Variants in GABRB1 observed in about 807,000 individuals in gnomAD.
GABRB1 encodes the protein gamma-aminobutyric acid type A receptor subunit beta1, also known as gamma-aminobutyric acid receptor subunit beta-1.
A neutral mutation model predicts 51.6 loss-of-function variants in GABRB1; 17 were observed. The ratio of observed to expected loss-of-function variants is 0.33; its 90% CI spans 0.23 to 0.49. The LOEUF (loss-of-function observed/expected upper bound fraction) is 0.49. GABRB1 is among the 20% of genes least tolerant of loss of function. The probability of loss-of-function intolerance (pLI) is 0.99; values close to 1 mark genes in which losing one functional copy is unlikely to be tolerated. For synonymous variants in GABRB1, 247 were observed against 218.9 expected, an observed-to-expected ratio of 1.13 and a Z score of -1.14; for missense variants, 410 against 600.6, an observed-to-expected ratio of 0.68 and a Z score of 3.32.
intron 3 of GABRB1, among the ~76,000 whole-genome samples, chr4:47,047,767 A>G (rs1381111302): frequency 1.3e-5 from 2 of 152,162 alleles, no homozygotes. Flanking sequence ...GATTTAATTC[A>G]TATTGGATCT....
At chr4:47,174,879 CCCTT>C (rs1274866640) in intron 4 of GABRB1, among the ~76,000 whole-genome samples, 3 of 148,340 alleles carry the variant, frequency 2.0e-5, no homozygotes, top group African/African-American at 5.0e-5. Context: ...TTCCCTCCCT[CCCTT>C]CCTTCTTTCC....
At chr4:47,001,836 T>C (rs1454350457) in intron 1 of GABRB1, among the ~76,000 whole-genome samples, 1 of 152,244 alleles carries the variant, frequency 6.6e-6, no homozygotes, top group Admixed American at 6.5e-5. Context: ...TATTAAATGT[T>C]TTGGGTTCTA....
At chr4:46,996,097 C>T (rs1254237928) in intron 1 of GABRB1, among the ~76,000 whole-genome samples, 1 of 144,270 alleles carries the variant, frequency 6.9e-6, no homozygotes, top group Non-Finnish European at 1.5e-5. Context: ...AGAAATCTAA[C>T]ATTCTGAAAA....
At chr4:47,193,350 G>A (rs188222805) in intron 4 of GABRB1, among the ~76,000 whole-genome samples, 13 of 152,238 alleles carry the variant, frequency 8.5e-5, no homozygotes, top group East Asian at 1.9e-4. Context: ...TGGAACTCCC[G>A]AACTCAGGTG....
At chr4:47,123,852 T>G (rs35589064) in intron 3 of GABRB1, among the ~76,000 whole-genome samples, 23,362 of 86,146 alleles carry the variant, frequency 0.27, 3,689 homozygotes, top group Middle Eastern at 0.36. Flanking sequence ...ATATATATTA[T>G]ATCATATATA....
chr4:47,195,011 C>T (rs994936340), intron 4 of GABRB1, among the ~76,000 whole-genome samples: 4 of 152,136 alleles, frequency 2.6e-5, no homozygotes, highest in Non-Finnish European at 4.4e-5. Context: ...TCATTAGTTT[C>T]ACAGTGATTC....
At chr4:47,115,902 A>C (rs1261136264) in intron 3 of GABRB1, among the ~76,000 whole-genome samples, 1 of 152,072 alleles carries the variant, frequency 6.6e-6, no homozygotes, top group Non-Finnish European at 1.5e-5. Context: ...TTTGTACTGT[A>C]CTCTATAGCA....
intron 4 of GABRB1, among the ~76,000 whole-genome samples, chr4:47,281,721 A>AATTCTGTTACC (rs1723300913): frequency 6.6e-6 from 1 of 152,210 alleles, no homozygotes; most frequent in Non-Finnish European, 1.5e-5. Flanking sequence ...GCTTTTAAAA[A>AATTCTGTTACC]ATTCTGTTAT....
intron 4 of GABRB1, among the ~76,000 whole-genome samples, chr4:47,229,787 C>T (rs1345723097): frequency 6.6e-6 from 1 of 152,016 alleles, no homozygotes; most frequent in Non-Finnish European, 1.5e-5. Flanking sequence ...GTGATGAAGG[C>T]ACAAGTTAAG....
At chr4:47,242,647 G>A (rs1400221672) in intron 4 of GABRB1, among the ~76,000 whole-genome samples, 5 of 152,216 alleles carry the variant, frequency 3.3e-5, no homozygotes, top group Non-Finnish European at 5.9e-5. Flanking sequence ...GTGATGATGA[G>A]CATTTTCTCA....
intron 8 of GABRB1, among the ~76,000 whole-genome samples, chr4:47,424,131 C>T (rs538053787): frequency 4.4e-4 from 67 of 152,296 alleles, no homozygotes; most frequent in African/African-American, 1.6e-3. Flanking sequence ...CTCCAACCAA[C>T]TCAAATCCTA....
intron 5 of GABRB1, among the ~76,000 whole-genome samples, chr4:47,363,028 G>GTC (rs71654871): frequency 0.44 from 67,429 of 151,582 alleles, 15,571 homozygotes; most frequent in Non-Finnish European, 0.5. Flanking sequence ...GCGTGTGTGT[G>GTC]TGTGTGTGTG....
At chr4:47,017,643 C>T (rs1051806414) in intron 1 of GABRB1, among the ~76,000 whole-genome samples, 1 of 152,158 alleles carries the variant, frequency 6.6e-6, no homozygotes, top group Non-Finnish European at 1.5e-5. Flanking sequence ...CACACACACA[C>T]ACACACAAGC....
intron 4 of GABRB1, among the ~76,000 whole-genome samples, chr4:47,302,246 C>T (rs1724288687): frequency 6.6e-6 from 1 of 151,990 alleles, no homozygotes; most frequent in Non-Finnish European, 1.5e-5. Flanking sequence ...CTTCCATTTT[C>T]CTATTTCTAG....
rs192864105 is a variant in GABRB1 at position 47,104,930 on chromosome 4, C to T, written c.241-56319C>T. 5.3e-5 allele frequency among the ~76,000 whole-genome samples: 8 copies of T among 152,078 alleles called. No individual in the cohort carries two copies. In the East Asian group the frequency reaches 1.5e-3, roughly 29 times the overall value. On this transcript the variant is annotated intron_variant, in intron 3 of 8. Coordinates refer to ENST00000295454, the MANE Select transcript of GABRB1 (RefSeq NM_000812.4). ...CATCTATATCCTATCTATATCTGGTCCTATACATTTTTTTGTCTCTTAACA... is the reference window on the plus strand; with the variant it reads ...CATCTATATCCTATCTATATCTGGTTCTATACATTTTTTTGTCTCTTAACA...
In GABRB1 at chr4:47,059,394, A is replaced by C. The variant is rs1726753370; in HGVS notation, c.240+26910A>C. The stretch of plus-strand genomic sequence containing the variant: ...GTTACATTGCCTAGGCTAGTCTTAA[A>C]TTCCTGGGCTCAAGCAGTCCTTCCA... On this transcript the variant is annotated intron_variant, in intron 3 of 8. Transcript: ENST00000295454. 2.0e-5 allele frequency among the ~76,000 whole-genome samples: 3 copies of C among 152,118 alleles called. No homozygotes were observed. In the South Asian group the frequency reaches 6.2e-4, roughly 32 times the overall value.
At chr4:47,008,239 G>A (rs1724469208) in intron 1 of GABRB1, among the ~76,000 whole-genome samples, 2 of 152,096 alleles carry the variant, frequency 1.3e-5, no homozygotes, top group Non-Finnish European at 2.9e-5. Context: ...GAAAACTAGA[G>A]ATGATCATTG....
intron 4 of GABRB1, among the ~76,000 whole-genome samples, chr4:47,166,552 ATG>A (rs1240024377): frequency 6.6e-6 from 1 of 152,060 alleles, no homozygotes; most frequent in African/African-American, 2.4e-5. Context: ...AATGTAAATT[ATG>A]TGTTTGTTGC....
At chr4:47,406,987 G>A (rs913757127) in intron 8 of GABRB1, 61 bp downstream of exon 8, 100 of 1,493,680 alleles carry the variant, frequency 6.7e-5, no homozygotes, top group African/African-American at 3.0e-4. Context: ...ATGATGCCTC[G>A]GGCTCTCATA....
Sources: gnomAD v4.1 joint callset for allele counts (sites outside exome capture counted in the v4.1 genomes callset) on GRCh38, gnomAD v4.1.1 for gene constraint, MANE v1.5 for transcripts, NCBI Gene and HGNC (gene_info 2026-07-23, HGNC 2026-07-21) for gene names.